JAK1: variants seen among roughly 807,000 people sequenced by gnomAD.
JAK1 encodes the protein tyrosine-protein kinase JAK1.
JAK1 carries 16 observed loss-of-function variants against 136.6 expected under a neutral mutation model. That is an observed-to-expected ratio of 0.12 (90% CI 0.08 to 0.18). The LOEUF is 0.18. JAK1 is among the 10% of genes least tolerant of loss of function. The pLI is 1.00. For missense variants in JAK1, 859 were observed against 1,450.1 expected (o/e 0.59, Z 6.62); for synonymous variants, 492 against 519.5 (o/e 0.95, Z 0.72).
chr1:64,950,420 A>AT lies in JAK1; in HGVS notation c.-78+15912_-78+15913insA, dbSNP rs199701152. Among the ~76,000 whole-genome samples the AT allele has an allele frequency of 6.0e-3, 913 of 152,188 alleles. 30 individuals carry two copies. The highest frequency in any genetic ancestry group is 0.055 in the Admixed American group (840 of 15,282). The stretch of plus-strand genomic sequence containing the variant: ...AGACTCTGTCTCAAAAAAAAAAAAA[A>AT]GTCAACATTAAAGAAAGCATTCTTC... On this transcript the variant is annotated intron_variant, in intron 1 of 24. Transcript: ENST00000342505.
chr1:64,888,760 T>C (rs890665145), intron 1 of JAK1, among the ~76,000 whole-genome samples: 1 of 152,226 alleles, frequency 6.6e-6, no homozygotes, highest in African/African-American at 2.4e-5. Context: ...GGTATAGATT[T>C]GTGATGCTTA....
At chr1:64,863,889 C>A (rs989243039) in intron 8 of JAK1, among the ~76,000 whole-genome samples, 1 of 152,204 alleles carries the variant, frequency 6.6e-6, no homozygotes, top group African/African-American at 2.4e-5. Context: ...TAAACCATAA[C>A]CTGCCTCTCA....
At chr1:65,015,261 T>C (rs1430706147) in intron 2 of JAK1, among the ~76,000 whole-genome samples, 2 of 152,126 alleles carry the variant, frequency 1.3e-5, no homozygotes, top group Non-Finnish European at 2.9e-5. Flanking sequence ...CAATGTCATA[T>C]GAGATGAAAA....
rs142505942 is a variant in JAK1 at position 64,878,246 on chromosome 1, A to G, written c.329+779T>C. 8.0e-3 allele frequency among the ~76,000 whole-genome samples: 1,221 copies of G among 152,348 alleles called. 22 individuals are homozygous for G. Among genetic ancestry groups the G allele is most frequent in the African/African-American group, 0.028 (1,181 of 41,570 alleles). On this transcript the variant is annotated intron_variant, in intron 4 of 24. Transcript: ENST00000342505. ...TCTGCTTAGCAAGTATGTAACTAAC[A>G]TATTTTCCATTCTAGTTACTGAACA... is the stretch of plus-strand genomic sequence containing the variant.
intron 1 of JAK1, among the ~76,000 whole-genome samples, chr1:64,929,072 G>C (rs993888073): frequency 1.3e-5 from 2 of 152,152 alleles, no homozygotes; most frequent in African/African-American, 4.8e-5. Flanking sequence ...GTACTTGTCT[G>C]GTGCCTTAAA....
At chr1:64,902,579 A>T (rs200659270) in intron 1 of JAK1, among the ~76,000 whole-genome samples, 964 of 23,882 alleles carry the variant, frequency 0.04, 9 homozygotes, top group African/African-American at 0.073. Context: ...AGAGAGAGAG[A>T]GAGAGTGTGT....
intron 5 of JAK1, among the ~76,000 whole-genome samples, chr1:64,872,107 T>C (rs1210695627): frequency 1.3e-5 from 2 of 152,194 alleles, no homozygotes; most frequent in African/African-American, 4.8e-5. Context: ...TTCTGTTCCC[T>C]CTACATCAGA....
intron 1 of JAK1, among the ~76,000 whole-genome samples, chr1:64,929,810 CAT>C (rs1018756505): frequency 2.6e-5 from 4 of 152,186 alleles, no homozygotes; most frequent in Non-Finnish European, 5.9e-5. Flanking sequence ...ACCAAAACGG[CAT>C]GGTACTATTA....
In JAK1 at chr1:64,883,366, A is replaced by T; in HGVS notation, c.116T>A (p.Ile39Asn). ...LEAPEPGVEV[I>N]FYLSDREPLR... The stretch of plus-strand genomic sequence containing the variant: ...GGGCTCCCTGTCCGACAGATAGAAG[A>T]TCACTTCCACCCCTGGCTCAGGGGC... Residue 39 changes from isoleucine (I) to asparagine (N), a missense_variant, in exon 3 of 25, where the codon ATC becomes AAC. Physicochemically the swap from Ile to Asn is moderately radical, Grantham distance 149 (BLOSUM62 -3). Coordinates refer to ENST00000342505, the MANE Select transcript of JAK1 (RefSeq NM_002227.4). 6.2e-7 allele frequency: 1 copy of T among 1,614,084 alleles called. No individual in the cohort carries two copies. The highest frequency in any genetic ancestry group is 8.5e-7 in the Non-Finnish European group (1 of 1,179,978).
chr1:64,840,044 A>G (rs1255439704), intron 19 of JAK1, among the ~76,000 whole-genome samples: 1 of 152,238 alleles, frequency 6.6e-6, no homozygotes. Context: ...CCAACTCATC[A>G]ATCCCAATTT....
intron 22 of JAK1, 126 bp downstream of exon 22, chr1:64,837,805 TC>T: frequency 2.8e-6 from 2 of 710,710 alleles, no homozygotes; most frequent in Middle Eastern, 2.9e-4. Context: ...TTCCAAATGT[TC>T]TAAACCTTCT....
chr1:64,878,559 G>GTT (rs1644712868), intron 4 of JAK1, among the ~76,000 whole-genome samples: 2 of 79,262 alleles, frequency 2.5e-5, no homozygotes, highest in African/African-American at 9.3e-5. Context: ...TATATATAGT[G>GTT]TGTATATATA....
chr1:64,947,917 C>T (rs927485688), intron 1 of JAK1, among the ~76,000 whole-genome samples: 5 of 151,992 alleles, frequency 3.3e-5, no homozygotes, highest in African/African-American at 1.2e-4. Flanking sequence ...GAGAGATATA[C>T]AATTCATAGA....
At chr1:64,928,778 C>CAAAAAACAAA (rs1553169956) in intron 1 of JAK1, among the ~76,000 whole-genome samples, 2 of 61,122 alleles carry the variant, frequency 3.3e-5, no homozygotes, top group African/African-American at 1.1e-4. Flanking sequence ...TAAAACTCTG[C>CAAAAAACAAA]AAAAAAAAAA....
intron 2 of JAK1, among the ~76,000 whole-genome samples, chr1:65,004,426 C>T (rs1366704805): frequency 6.6e-6 from 1 of 152,168 alleles, no homozygotes. Flanking sequence ...CGTGAGTGAC[C>T]ATCAGGGTTG....
At chr1:64,953,964 C>T (rs1409907822) in intron 1 of JAK1, among the ~76,000 whole-genome samples, 3 of 152,148 alleles carry the variant, frequency 2.0e-5, no homozygotes, top group East Asian at 3.9e-4. Context: ...CATGAGCGAC[C>T]GCACTCGGCC....
intron 1 of JAK1, among the ~76,000 whole-genome samples, chr1:64,908,130 A>C (rs1645222507): frequency 6.6e-6 from 1 of 152,198 alleles, no homozygotes; most frequent in Non-Finnish European, 1.5e-5. Flanking sequence ...TTTATCTCTA[A>C]ATAGTATTGG....
At chr1:64,940,446 A>AGG (rs988560710) in intron 1 of JAK1, among the ~76,000 whole-genome samples, 5 of 150,534 alleles carry the variant, frequency 3.3e-5, no homozygotes, top group Non-Finnish European at 5.9e-5. Context: ...CCTCCCGATT[A>AGG]GCTGGGATTA....
intron 4 of JAK1, among the ~76,000 whole-genome samples, chr1:64,875,343 G>A (rs1657335538): frequency 6.6e-6 from 1 of 152,218 alleles, no homozygotes. Context: ...ACGCTCTCCT[G>A]GGAGGGAAGC....
Sources: allele counts gnomAD v4.1 joint callset (sites outside exome capture counted in the v4.1 genomes callset), GRCh38; gene constraint gnomAD v4.1.1; transcripts MANE v1.5; gene names NCBI Gene and HGNC (gene_info 2026-07-23, HGNC 2026-07-21).